SH3PXD2B: variants seen among roughly 807,000 people sequenced by gnomAD.
The protein encoded by SH3PXD2B is SH3 and PX domain-containing protein 2B.
A neutral mutation model predicts 73.1 loss-of-function variants in SH3PXD2B; 37 were observed. That is an observed-to-expected ratio of 0.51 (90% confidence interval 0.39 to 0.67). The LOEUF (loss-of-function observed/expected upper bound fraction) is 0.67. SH3PXD2B is among the 30% of genes least tolerant of loss of function. The pLI is 0.00. For missense variants in SH3PXD2B, 1,053 were observed against 1,197.8 expected, an observed-to-expected ratio of 0.88 and a Z score of 1.78; for synonymous variants, 457 against 480.5, an observed-to-expected ratio of 0.95 and a Z score of 0.64.
At position 172,445,077 on chromosome 5, in the gene SH3PXD2B, C is replaced by T. The variant is rs1252613523; in HGVS notation, c.75+9201G>A. ...TACCTGTAACTCCTTCACCCTTGCCCACTTGGCAGCATCCCTCCCATGCTT... is the reference window on the plus strand; with the variant it reads ...TACCTGTAACTCCTTCACCCTTGCCTACTTGGCAGCATCCCTCCCATGCTT... On this transcript the variant is annotated intron_variant, in intron 1 of 12. Coordinates refer to ENST00000311601, the MANE Select transcript of SH3PXD2B (RefSeq NM_001017995.3). This position sits in a 1 kb window ranked among gnomAD's most constrained non-coding sequence, Gnocchi z 5.2. Among the ~76,000 whole-genome samples the T allele has an allele frequency of 6.6e-6, 1 of 152,210 alleles. No homozygotes were observed. The highest frequency in any genetic ancestry group is 1.5e-5 in the Non-Finnish European group (1 of 68,036).
chr5:172,330,540 C>T (rs746599886), downstream of SH3PXD2B, among the ~76,000 whole-genome samples: 2 of 152,180 alleles, frequency 1.3e-5, no homozygotes, highest in Non-Finnish European at 2.9e-5. Context: ...TCACATTGCA[C>T]ACTAGTATGT....
rs1187195823 is a variant in SH3PXD2B at position 172,334,036 on chromosome 5, C to T, written c.*4333G>A. The T allele has an allele frequency of 1.1e-5, 13 of 1,172,630 alleles. No individual in the cohort carries two copies. Among genetic ancestry groups the T allele is most frequent in the Middle Eastern group, 3.9e-4 (1 of 2,576 alleles). The allele number at this position is 1,172,630 out of a possible 1,614,324, so 72.6% of individuals were successfully genotyped here. A position where few individuals can be genotyped will look rare whatever the true frequency, so the allele number is the denominator to read the frequency against. On this transcript the variant is annotated 3_prime_UTR_variant, in exon 13 of 13. Transcript: ENST00000311601. ...TAGGACATCTAAAAGTGAAGGCTAC[C>T]GACTGTGGCACTGCGTTTGGCCTCT...
chr5:172,452,009 A>T (rs1040385867), intron 1 of SH3PXD2B, among the ~76,000 whole-genome samples: 4 of 152,212 alleles, frequency 2.6e-5, no homozygotes, highest in African/African-American at 9.7e-5. Flanking sequence ...CAAGTTCTTG[A>T]TGAATCCCCC....
rs114237437 is a variant in SH3PXD2B, at chr5:172,375,586, T to C, written c.402-1771A>G. Among the ~76,000 whole-genome samples the C allele has an allele frequency of 8.2e-3, 1,242 of 152,322 alleles. 13 individuals are homozygous for C. Among genetic ancestry groups the C allele is most frequent in the African/African-American group, 0.021 (885 of 41,556 alleles). Reference sequence around the variant, plus strand: ...CGATTTGCCTATTCTGGATGTTTCATATAAATAGAATCATATAATGTGTGG... The same window carrying C: ...CGATTTGCCTATTCTGGATGTTTCACATAAATAGAATCATATAATGTGTGG... On this transcript the variant is annotated intron_variant, in intron 5 of 12. Transcript: ENST00000311601.
At chr5:172,366,943 TTTTTTTTTTTG>T (rs1757541338) in intron 6 of SH3PXD2B, among the ~76,000 whole-genome samples, 1 of 131,982 alleles carries the variant, frequency 7.6e-6, no homozygotes, top group Admixed American at 7.7e-5. Flanking sequence ...TTTTTTTTTT[TTTTTTTTTTTG>T]GGGACAGAGT....
chr5:172,361,664 T>G (rs1194209302), intron 7 of SH3PXD2B, among the ~76,000 whole-genome samples: 1 of 152,030 alleles, frequency 6.6e-6, no homozygotes, highest in Non-Finnish European at 1.5e-5. Flanking sequence ...GCTGCTGGAG[T>G]TGGTTTCGAA....
intron 12 of SH3PXD2B, among the ~76,000 whole-genome samples, chr5:172,340,117 G>A (rs530296123): frequency 1.4e-3 from 207 of 152,328 alleles, no homozygotes; most frequent in African/African-American, 4.8e-3. Context: ...GAGTCTTGTC[G>A]TATGGGACTC....
intron 3 of SH3PXD2B, among the ~76,000 whole-genome samples, chr5:172,401,167 G>A (rs1758413619): frequency 6.6e-6 from 1 of 152,186 alleles, no homozygotes; most frequent in Admixed American, 6.5e-5. Context: ...CTTGGAGATT[G>A]GGTGGTGAGT....
At chr5:172,419,167 C>T (rs1758893655) in intron 2 of SH3PXD2B, among the ~76,000 whole-genome samples, 1 of 152,178 alleles carries the variant, frequency 6.6e-6, no homozygotes, top group Non-Finnish European at 1.5e-5. Flanking sequence ...GAGATTTGCA[C>T]CCAGGTCTGT....
intron 3 of SH3PXD2B, among the ~76,000 whole-genome samples, chr5:172,396,925 G>A (rs1318564864): frequency 6.6e-6 from 1 of 152,110 alleles, no homozygotes; most frequent in Non-Finnish European, 1.5e-5. Flanking sequence ...TGGGTGACAA[G>A]AGCAAAACTC....
At chr5:172,345,103 A>C (rs1168196190) in intron 12 of SH3PXD2B, among the ~76,000 whole-genome samples, 1 of 145,590 alleles carries the variant, frequency 6.9e-6, no homozygotes, top group African/African-American at 2.7e-5. Context: ...AGAAGGAGGG[A>C]AGGAAGAAGG....
intron 1 of SH3PXD2B, among the ~76,000 whole-genome samples, 166 bp downstream of exon 1, chr5:172,454,109 GGGA>G (rs1759869359): frequency 6.7e-6 from 1 of 149,566 alleles, no homozygotes; most frequent in Non-Finnish European, 1.5e-5. Context: ...AGGGGAGGGA[GGGA>G]GGAGGAGTCG....
rs777279283 is a variant in SH3PXD2B at position 172,339,581 on chromosome 5, G to A, written c.1524C>T (p.Tyr508=). Residue 508 remains tyrosine (Y), a synonymous_variant, in exon 13 of 13, where the codon TAC becomes TAT. Coordinates refer to ENST00000311601, the MANE Select transcript of SH3PXD2B (RefSeq NM_001017995.3). The surrounding 1 kb of genome is among the most constrained non-coding windows in gnomAD (Gnocchi z 6.1). ...ASSDMSASAG[Y]EEISDPDMEE... ...CCATGTCGGGGTCTGAGATCTCCTC[G>A]TAGCCTGCTGACGCAGACATGTCTG... The A allele has an allele frequency of 7.4e-6, 12 of 1,614,114 alleles. No homozygotes were observed. Among genetic ancestry groups the A allele is most frequent in the Admixed American group, 6.7e-5 (4 of 60,016 alleles).
chr5:172,438,011 G>A (rs1247566702), intron 1 of SH3PXD2B, among the ~76,000 whole-genome samples: 1 of 152,166 alleles, frequency 6.6e-6, no homozygotes, highest in Non-Finnish European at 1.5e-5. Flanking sequence ...ACCAAGCTCT[G>A]CTCGAAGGGC....
At chr5:172,426,780 A>C (rs771453051) in intron 1 of SH3PXD2B, among the ~76,000 whole-genome samples, 14 of 152,182 alleles carry the variant, frequency 9.2e-5, no homozygotes, top group African/African-American at 3.4e-4. Flanking sequence ...GGAATTTCCC[A>C]TGGAAAGCGC....
In SH3PXD2B at chr5:172,417,848, C is replaced by A. The variant is rs185112232; in HGVS notation, c.156+4568G>T. Among the ~76,000 whole-genome samples the A allele has an allele frequency of 3.4e-4, 52 of 152,322 alleles. No individual in the cohort carries two copies. The East Asian group carries it at 9.8e-3, about 29-fold the overall frequency. On this transcript the variant is annotated intron_variant, in intron 2 of 12. Coordinates refer to ENST00000311601, the MANE Select transcript of SH3PXD2B (RefSeq NM_001017995.3). ...CCTTTTAGAGTGTTCAATGTAGTGG[C>A]TTCCAGTATATCCATAAGGTTATGC...
chr5:172,440,108 G>C (rs1437102037), intron 1 of SH3PXD2B, among the ~76,000 whole-genome samples: 1 of 152,238 alleles, frequency 6.6e-6, no homozygotes, highest in Non-Finnish European at 1.5e-5. Context: ...AGAGGAGCCT[G>C]GGCAATGAAG....
chr5:172,391,619 A>C (rs6556018), intron 4 of SH3PXD2B, among the ~76,000 whole-genome samples: 57,422 of 151,810 alleles, frequency 0.38, 11,343 homozygotes, highest in East Asian at 0.66. Flanking sequence ...TGTGCCACTA[A>C]GCCCGGCTAG....
chr5:172,360,903 C>A (rs568167374), intron 7 of SH3PXD2B, among the ~76,000 whole-genome samples: 13 of 152,194 alleles, frequency 8.5e-5, no homozygotes, highest in African/African-American at 2.6e-4. Context: ...TGGAATCTAA[C>A]CTAAAGAAAC....
Sources: allele counts gnomAD v4.1 joint callset (sites outside exome capture counted in the v4.1 genomes callset), GRCh38; gene constraint gnomAD v4.1.1; non-coding constraint Gnocchi (gnomAD v3.1); transcripts MANE v1.5; gene names NCBI Gene and HGNC (gene_info 2026-07-23, HGNC 2026-07-21).